The following CFAP97D2 variants were observed in gnomAD, a reference collection of about 807,000 sequenced individuals.
CFAP97D2 encodes CFAP97 domain containing 2, also known as uncharacterized protein CFAP97D2.
intron 1 of CFAP97D2, among the ~76,000 whole-genome samples, chr13:114,190,302 C>A (rs1356854973): frequency 1.3e-5 from 2 of 151,940 alleles, no homozygotes; most frequent in East Asian, 3.9e-4. Flanking sequence ...TTAGATACTG[C>A]AATAAGGCAA....
intron 4 of CFAP97D2, among the ~76,000 whole-genome samples, chr13:114,214,816 C>T (rs904784747): frequency 6.6e-6 from 1 of 152,210 alleles, no homozygotes; most frequent in Non-Finnish European, 1.5e-5. Context: ...TTGCTCATTT[C>T]ACTCAATAAT....
At position 114,211,697 on chromosome 13, in the gene CFAP97D2, C is replaced by A. The variant is rs1184006781; in HGVS notation, c.291-215C>A. Among the ~76,000 whole-genome samples the A allele has an allele frequency of 6.6e-6, 1 of 152,216 alleles. No homozygotes were observed. Among genetic ancestry groups the A allele is most frequent in the Admixed American group, 6.5e-5 (1 of 15,278 alleles). On this transcript the variant is annotated intron_variant, in intron 3 of 4. Coordinates refer to ENST00000646158, the Ensembl canonical transcript of CFAP97D2. The surrounding 1 kb of genome is among the most constrained non-coding windows in gnomAD (Gnocchi z 4.2). Reference sequence around the variant, plus strand: ...CGCCCCTCCCGCCGTGCAAAGCGAGCGCGCCGGGGCTGAGTGTGCCCTTCG... The same window carrying A: ...CGCCCCTCCCGCCGTGCAAAGCGAGAGCGCCGGGGCTGAGTGTGCCCTTCG...
chr13:114,210,123 TAG>T lies in CFAP97D2; in HGVS notation c.291-1786_291-1785del, dbSNP rs2080960444. Among the ~76,000 whole-genome samples the T allele has an allele frequency of 2.0e-5, 3 of 152,352 alleles. No homozygotes were observed. In the South Asian group the frequency reaches 6.2e-4, roughly 32 times the overall value. On this transcript the variant is annotated intron_variant, in intron 3 of 4. Coordinates refer to ENST00000646158, the Ensembl canonical transcript of CFAP97D2. ...ATTTTCTGCATTTCCAAATATATAA[TAG>T]AGTTATATTTTTGTGCACATATATG... is the stretch of plus-strand genomic sequence containing the variant.
intron 3 of CFAP97D2, among the ~76,000 whole-genome samples, chr13:114,208,988 T>G (rs942446861): frequency 6.6e-6 from 1 of 152,162 alleles, no homozygotes; most frequent in African/African-American, 2.4e-5. Context: ...CTTTGGTTTT[T>G]GGATATAGAA....
chr13:114,193,539 A>C (rs2138758623), intron 1 of CFAP97D2, among the ~76,000 whole-genome samples: 1 of 152,310 alleles, frequency 6.6e-6, no homozygotes, highest in South Asian at 2.1e-4. Context: ...CCCATGTAGC[A>C]GAAGAGCATG....
intron 3 of CFAP97D2, among the ~76,000 whole-genome samples, chr13:114,210,945 T>C (rs1326284004): frequency 1.3e-5 from 2 of 151,976 alleles, no homozygotes; most frequent in East Asian, 3.9e-4. Context: ...TGCTATGGTT[T>C]TCCAAAACAA....
intron 4 of CFAP97D2, among the ~76,000 whole-genome samples, chr13:114,217,948 C>A (rs1055215816): frequency 1.3e-5 from 2 of 152,162 alleles, no homozygotes; most frequent in Non-Finnish European, 2.9e-5. Context: ...TGGAAGCATT[C>A]CCTTTGAAAA....
intron 1 of CFAP97D2, among the ~76,000 whole-genome samples, chr13:114,183,384 TC>T (rs2080844048): frequency 1.3e-5 from 2 of 152,054 alleles, no homozygotes; most frequent in Admixed American, 6.5e-5. Flanking sequence ...GCCAGGCTGG[TC>T]TTGAACTTCT....
At chr13:114,182,107 T>C (rs1396799212) in intron 1 of CFAP97D2, among the ~76,000 whole-genome samples, 1 of 151,354 alleles carries the variant, frequency 6.6e-6, no homozygotes, top group African/African-American at 2.4e-5. Context: ...ATTATTTTCA[T>C]TATTTCAGCA....
chr13:114,202,824 T>G (rs1340991263), intron 3 of CFAP97D2, among the ~76,000 whole-genome samples: 1 of 152,166 alleles, frequency 6.6e-6, no homozygotes, highest in Admixed American at 6.5e-5. Context: ...CAAGATCCCC[T>G]TGGTCTGGTT....
At chr13:114,215,802 A>T (rs1291555629) in intron 4 of CFAP97D2, 1 of 152,186 alleles carries the variant, frequency 6.6e-6, no homozygotes, top group Non-Finnish European at 1.5e-5. Context: ...GTCTGCTTTG[A>T]TGCTGTCCCT....
chr13:114,201,753 C>T (rs573647727), intron 3 of CFAP97D2, among the ~76,000 whole-genome samples: 10 of 152,356 alleles, frequency 6.6e-5, no homozygotes, highest in African/African-American at 2.2e-4. Flanking sequence ...TTCTGGAGCA[C>T]TGCAGACCAG....
chr13:114,197,652 C>A (rs2080893825), intron 2 of CFAP97D2, among the ~76,000 whole-genome samples: 1 of 147,096 alleles, frequency 6.8e-6, no homozygotes, highest in African/African-American at 2.7e-5. Context: ...TTACAGTAAA[C>A]CATTTCTTAA....
chr13:114,209,182 C>G (rs2080955142), intron 3 of CFAP97D2, among the ~76,000 whole-genome samples: 1 of 152,232 alleles, frequency 6.6e-6, no homozygotes, highest in Non-Finnish European at 1.5e-5. Context: ...CACAGTGAAA[C>G]AGGAGCTCGC....
At chr13:114,193,379 A>T (rs1031045105) in intron 1 of CFAP97D2, among the ~76,000 whole-genome samples, 1 of 152,214 alleles carries the variant, frequency 6.6e-6, no homozygotes, top group African/African-American at 2.4e-5. Context: ...AGACTGGGTA[A>T]TTTATAAAGA....
chr13:114,200,356 G>A (rs1439715736), exon 3 of CFAP97D2: 1 of 398,566 alleles, frequency 2.5e-6, no homozygotes, highest in Admixed American at 4.4e-5. Context: ...GTCATCGAGA[G>A]GGACAACCGC....
At chr13:114,216,949 C>T (rs1233971225) in intron 4 of CFAP97D2, among the ~76,000 whole-genome samples, 1 of 152,152 alleles carries the variant, frequency 6.6e-6, no homozygotes, top group Non-Finnish European at 1.5e-5. Flanking sequence ...TTCTCCAGCA[C>T]CTGTTGTTTC....
rs117270175 is a variant in CFAP97D2, at chr13:114,212,203, G to A, written c.480+102G>A. 5.7e-3 allele frequency: 2,270 copies of A among 397,238 alleles called. 4 individuals are homozygous for A. The highest frequency in any genetic ancestry group is 7.9e-3 in the Non-Finnish European group (1,788 of 225,726). 24.6% of individuals were successfully genotyped at this position (397,238 alleles called of 1,614,324 possible). The stretch of plus-strand genomic sequence containing the variant: ...ATTATGTACTCACTCATTCTTTGCC[G>A]TATTAGAGCATTTTGTTCAATTGTC... On this transcript the variant is annotated intron_variant, in intron 4 of 4. Transcript: ENST00000646158.
chr13:114,220,356 C>T (rs1044676472), intron 4 of CFAP97D2, among the ~76,000 whole-genome samples: 1 of 152,142 alleles, frequency 6.6e-6, no homozygotes, highest in African/African-American at 2.4e-5. Context: ...TCTCCAGAGC[C>T]CAGGCCCCTC....
Sources: allele counts gnomAD v4.1 joint callset (sites outside exome capture counted in the v4.1 genomes callset), GRCh38; gene constraint gnomAD v4.1.1; non-coding constraint Gnocchi (gnomAD v3.1); transcripts MANE v1.5; gene names NCBI Gene and HGNC (gene_info 2026-07-23, HGNC 2026-07-21).